MGAT5: variants seen among roughly 807,000 people sequenced by gnomAD.
The protein encoded by MGAT5 is alpha-1,6-mannosylglycoprotein 6-beta-N-acetylglucosaminyltransferase A.
MGAT5 carries 30 observed loss-of-function variants against 94.3 expected under a neutral mutation model. The observed-to-expected ratio is 0.32, with a 90% CI of 0.24 to 0.43. The LOEUF (loss-of-function observed/expected upper bound fraction) is 0.43, where lower values mean the gene tolerates loss of function less well. Among genes scored for constraint, MGAT5 ranks in the 20% least tolerant of loss-of-function variants. The probability of loss-of-function intolerance (pLI) is 1.00; values close to 1 mark genes in which losing one functional copy is unlikely to be tolerated. For synonymous variants in MGAT5, 310 were observed against 322.9 expected, an observed-to-expected ratio of 0.96 and a Z score of 0.43; for missense variants, 691 against 905.5, an observed-to-expected ratio of 0.76 and a Z score of 3.04.
At chr2:134,237,139 G>T (rs1386825684) in intron 1 of MGAT5, among the ~76,000 whole-genome samples, 2 of 137,136 alleles carry the variant, frequency 1.5e-5, no homozygotes, top group Non-Finnish European at 3.3e-5. Context: ...GTGTGTGTGT[G>T]TGTGTGTGTG....
chr2:134,444,240 A>G (rs1012561497), intron 15 of MGAT5, among the ~76,000 whole-genome samples: 1 of 152,220 alleles, frequency 6.6e-6, no homozygotes, highest in African/African-American at 2.4e-5. Context: ...CAAGACGGAT[A>G]AGCCAGCCCC....
chr2:134,125,806 C>T (rs1361034417), intron 1 of MGAT5, among the ~76,000 whole-genome samples: 1 of 152,150 alleles, frequency 6.6e-6, no homozygotes, highest in East Asian at 1.9e-4. Flanking sequence ...ATCTAAGTGA[C>T]GTATATCCTT....
At chr2:134,428,545 T>G in intron 14 of MGAT5, 106 bp downstream of exon 14, 1 of 1,044,026 alleles carries the variant, frequency 9.6e-7, no homozygotes, top group Non-Finnish European at 1.4e-6. Flanking sequence ...GTGGCTATTT[T>G]CCTGCTTTGG....
At chr2:134,252,493 AGT>A (rs1334593487), upstream of MGAT5, among the ~76,000 whole-genome samples, 1 of 152,138 alleles carries the variant, frequency 6.6e-6, no homozygotes, top group Non-Finnish European at 1.5e-5. Flanking sequence ...CTGAAACATG[AGT>A]GTGCATCAGA....
intron 10 of MGAT5, among the ~76,000 whole-genome samples, chr2:134,382,708 T>G (rs1340190198): frequency 6.6e-6 from 1 of 152,228 alleles, no homozygotes; most frequent in African/African-American, 2.4e-5. Flanking sequence ...CTTCTACTTC[T>G]CAAAGTCCTG....
At position 134,254,218 on chromosome 2, in the gene MGAT5, T is replaced by A; in HGVS notation, c.-186T>A. 3 of 641,968 alleles carry A rather than the reference T, an allele frequency of 4.7e-6. No individual in the cohort carries two copies. Among genetic ancestry groups the A allele is most frequent in the South Asian group, 3.9e-5 (2 of 51,322 alleles). The allele number at this position is 641,968 out of a possible 1,614,324, so 39.8% of individuals were successfully genotyped here. On this transcript the variant is annotated 5_prime_UTR_variant, in exon 1 of 16. An upstream open reading frame in the 5' UTR gains an earlier in-frame stop. Transcript: ENST00000281923. ...ACATGGCTTCTGGTTTATTTTGCTGTATTGTGCCATGACCACTTGGCTAAT... is the reference window on the plus strand; with the variant it reads ...ACATGGCTTCTGGTTTATTTTGCTGAATTGTGCCATGACCACTTGGCTAAT...
intron 13 of MGAT5, among the ~76,000 whole-genome samples, chr2:134,423,417 TAC>T (rs1558875935): frequency 6.6e-6 from 1 of 152,206 alleles, no homozygotes; most frequent in Admixed American, 6.5e-5. Flanking sequence ...GTACCTACCA[TAC>T]ACAGAGTGCT....
At chr2:134,400,762 T>C (rs1682999023) in intron 10 of MGAT5, among the ~76,000 whole-genome samples, 1 of 152,284 alleles carries the variant, frequency 6.6e-6, no homozygotes, top group Non-Finnish European at 1.5e-5. Flanking sequence ...TTAGGCGAAA[T>C]GCCTCCTTTT....
chr2:134,372,804 A>C (rs1680897682), intron 10 of MGAT5, among the ~76,000 whole-genome samples: 1 of 152,252 alleles, frequency 6.6e-6, no homozygotes, highest in Non-Finnish European at 1.5e-5. Context: ...CAGCATAAAC[A>C]GCTAAGTGCA....
At chr2:134,219,564 G>A (rs1241822047) in intron 1 of MGAT5, among the ~76,000 whole-genome samples, 2 of 152,062 alleles carry the variant, frequency 1.3e-5, no homozygotes, top group Non-Finnish European at 2.9e-5. Context: ...CTGTCCTGAG[G>A]TGCCCCGGAG....
chr2:134,154,324 A>G (rs955819010), intron 1 of MGAT5, among the ~76,000 whole-genome samples: 5 of 152,152 alleles, frequency 3.3e-5, no homozygotes, highest in Admixed American at 3.3e-4. Context: ...GCAATACGAG[A>G]GGCTGCGACT....
At chr2:134,218,917 C>A (rs1680622208) in intron 1 of MGAT5, among the ~76,000 whole-genome samples, 1 of 152,130 alleles carries the variant, frequency 6.6e-6, no homozygotes, top group African/African-American at 2.4e-5. Context: ...TCTGTTGTTC[C>A]ATTCTTTACT....
chr2:134,340,426 C>T (rs933129598), intron 6 of MGAT5, among the ~76,000 whole-genome samples: 12 of 152,130 alleles, frequency 7.9e-5, no homozygotes, highest in Non-Finnish European at 1.5e-4. Context: ...TAGCCTACCA[C>T]AGGCCTAGAT....
chr2:134,240,625 T>C (rs886884581), intron 1 of MGAT5, among the ~76,000 whole-genome samples: 8 of 152,200 alleles, frequency 5.3e-5, no homozygotes, highest in East Asian at 1.9e-4. Flanking sequence ...AAAAGTTAAA[T>C]TGAAGTATAA....
chr2:134,299,889 C>A (rs1378733007), intron 2 of MGAT5, among the ~76,000 whole-genome samples: 1 of 152,146 alleles, frequency 6.6e-6, no homozygotes, highest in African/African-American at 2.4e-5. Flanking sequence ...GAAATTCCTC[C>A]CTGGCTTTCC....
chr2:134,443,421 G>A (rs767900751), intron 15 of MGAT5, among the ~76,000 whole-genome samples: 1 of 152,230 alleles, frequency 6.6e-6, no homozygotes, highest in Non-Finnish European at 1.5e-5. Flanking sequence ...CAAACTCCTG[G>A]CCTCAGGTGA....
At chr2:134,154,424 C>T (rs1039692712) in intron 1 of MGAT5, among the ~76,000 whole-genome samples, 4 of 152,196 alleles carry the variant, frequency 2.6e-5, no homozygotes, top group African/African-American at 9.6e-5. Flanking sequence ...ATGCTGTGTT[C>T]AGACATGCAG....
intron 1 of MGAT5, among the ~76,000 whole-genome samples, chr2:134,147,017 T>TA (rs531030105): frequency 4.6e-4 from 70 of 151,476 alleles, no homozygotes; most frequent in Admixed American, 1.1e-3. Context: ...ATTGTTTAGT[T>TA]AAAAAAAAAC....
chr2:134,222,847 CAATAA>C (rs1224503754), intron 1 of MGAT5, among the ~76,000 whole-genome samples: 1 of 102,464 alleles, frequency 9.8e-6, no homozygotes, highest in Non-Finnish European at 2.1e-5. Context: ...TAAAAACTGA[CAATAA>C]AACCAAAAGG....
Sources: allele counts gnomAD v4.1 joint callset (sites outside exome capture counted in the v4.1 genomes callset), GRCh38; gene constraint gnomAD v4.1.1; transcripts MANE v1.5; gene names NCBI Gene and HGNC (gene_info 2026-07-23, HGNC 2026-07-21).